WDR19: variants seen among roughly 807,000 people sequenced by gnomAD.
The protein encoded by WDR19 is WD repeat-containing protein 19.
WDR19 carries 121 observed loss-of-function variants against 180.0 expected under a neutral mutation model. The observed-to-expected ratio is 0.67, with a 90% CI of 0.58 to 0.78. WDR19 has a LOEUF of 0.78. Among genes scored for constraint, WDR19 ranks in the 30% least tolerant of loss-of-function variants. The pLI is 0.00. For synonymous variants in WDR19, 497 were observed against 540.7 expected (o/e 0.92, Z 1.12); for missense variants, 1,450 against 1,640.7 (o/e 0.88, Z 2.01).
At chr4:39,198,603 C>T (rs574320677) in intron 5 of WDR19, among the ~76,000 whole-genome samples, 3 of 152,126 alleles carry the variant, frequency 2.0e-5, no homozygotes, top group Admixed American at 6.5e-5. Flanking sequence ...CGGTGACTCG[C>T]GCCTGTAATC....
At chr4:39,192,818 T>C (rs570555213) in intron 4 of WDR19, among the ~76,000 whole-genome samples, 1 of 152,274 alleles carries the variant, frequency 6.6e-6, no homozygotes, top group Non-Finnish European at 1.5e-5. Context: ...GTGGGGAGTC[T>C]TTGGGCAAAA....
At chr4:39,240,371 T>A in intron 21 of WDR19, 37 bp downstream of exon 21, 1 of 1,266,590 alleles carries the variant, frequency 7.9e-7, no homozygotes, top group Non-Finnish European at 1.0e-6. Context: ...CCTAATTATG[T>A]CTGGGTTTGT....
At chr4:39,281,236 T>TATAGAGAGAGAGAGAGAGAGAGAGAGAG (rs762298152) in intron 36 of WDR19, among the ~76,000 whole-genome samples, 4 of 104,042 alleles carry the variant, frequency 3.8e-5, no homozygotes, top group African/African-American at 2.1e-4. Context: ...TATATATATA[T>TATAGAGAGAGAGAGAGAGAGAGAGAGAG]AGAGAGAGAG....
intron 10 of WDR19, among the ~76,000 whole-genome samples, 176 bp from the exon 11 acceptor site, chr4:39,215,665 C>T (rs1481184358): frequency 2.0e-5 from 3 of 151,952 alleles, no homozygotes; most frequent in Non-Finnish European, 4.4e-5. Context: ...AGCCAGTGCT[C>T]ATATTCTTAT....
At chr4:39,184,727 C>G (rs1358139505) in intron 1 of WDR19, among the ~76,000 whole-genome samples, 1 of 152,160 alleles carries the variant, frequency 6.6e-6, no homozygotes, top group Non-Finnish European at 1.5e-5. Flanking sequence ...GCCGCACAGA[C>G]TAAGTCCCGT....
Position 39,217,241 on chromosome 4 carries a change from G to T in WDR19, c.1356+1G>T. 1.3e-6 allele frequency: 2 copies of T among 1,587,580 alleles called. No individual in the cohort carries two copies. Among genetic ancestry groups the T allele is most frequent in the Non-Finnish European group, 1.7e-6 (2 of 1,165,420 alleles). ...TGAAGGCAAAGTCCAGTTACATTTG[G>T]TAAGTATAATTTTGATGTCCTGGAG... On this transcript the variant is annotated splice_donor_variant, in intron 13 of 36. Transcript: ENST00000399820. LOFTEE classifies it high-confidence loss of function.
chr4:39,220,720 G>T (rs9990610), intron 14 of WDR19, among the ~76,000 whole-genome samples: 1 of 150,308 alleles, frequency 6.7e-6, no homozygotes. Flanking sequence ...ATCTTGGCCA[G>T]GCTGGTCTTG....
At chr4:39,284,486 G>T (rs1299581816) in intron 36 of WDR19, among the ~76,000 whole-genome samples, 1 of 150,696 alleles carries the variant, frequency 6.6e-6, no homozygotes, top group Non-Finnish European at 1.5e-5. Flanking sequence ...CTACAGGCAT[G>T]TGCCACCATA....
chr4:39,274,861 A>C lies in WDR19; in HGVS notation c.3619A>C (p.Lys1207Gln). 1.2e-6 allele frequency: 2 copies of C among 1,614,032 alleles called. No homozygotes were observed. Among genetic ancestry groups the C allele is most frequent in the Non-Finnish European group, 1.7e-6 (2 of 1,179,902 alleles). Residue 1207 changes from lysine (K) to glutamine (Q), a missense_variant, in exon 33 of 37, where the codon AAG becomes CAG. By Grantham distance (53) the Lys-to-Gln change is moderately conservative. Coordinates refer to ENST00000399820, the MANE Select transcript of WDR19 (RefSeq NM_025132.4). ...TVIECHRAGLKNSAFSFAAML... is the reference protein window; with the variant it reads ...TVIECHRAGLQNSAFSFAAML... ...GATTGAGTGTCACAGGGCAGGCCTG[A>C]AGAACTCTGCTTTCAGCTTCGCAGC... is the stretch of plus-strand genomic sequence containing the variant.
chr4:39,276,500 A>C (rs1735910825), intron 33 of WDR19, among the ~76,000 whole-genome samples: 1 of 152,138 alleles, frequency 6.6e-6, no homozygotes, highest in Admixed American at 6.5e-5. Context: ...TGGCTATTTA[A>C]ATTTAGTTAA....
intron 14 of WDR19, 159 bp downstream of exon 14, chr4:39,218,264 G>T: frequency 2.2e-6 from 2 of 923,740 alleles, no homozygotes; most frequent in Non-Finnish European, 3.2e-6. Flanking sequence ...GTGTCTCTTT[G>T]CAGTGGGGAT....
chr4:39,228,257 A>T lies in WDR19; in HGVS notation c.1677A>T (p.Lys559Asn), dbSNP rs1186805310. The change falls in exon 16 of 37, where the codon AAA becomes AAT. Residue 559 changes from lysine to asparagine, a missense_variant. Coordinates refer to ENST00000399820, the MANE Select transcript of WDR19 (RefSeq NM_025132.4). ...TTCCAGATTTTTCACCAACCATTAA[A>T]GGTGTTCTTTGGGAAAACTGGCCAA... ...YEIPDFSPTI[K>N]GVLWENWPMD... 1.2e-6 allele frequency: 2 copies of T among 1,613,444 alleles called. No homozygotes were observed. Among genetic ancestry groups the T allele is most frequent in the African/African-American group, 2.7e-5 (2 of 74,922 alleles).
In WDR19 at chr4:39,279,516, A is replaced by T. The variant is rs185592336; in HGVS notation, c.*13+853A>T. 7.9e-4 allele frequency among the ~76,000 whole-genome samples: 120 copies of T among 152,312 alleles called. 1 individual carries two copies. Among genetic ancestry groups the T allele is most frequent in the African/African-American group, 2.8e-3 (118 of 41,568 alleles). ...TCCAAGTCTGTCCATGAACAGGCCC[A>T]GCCTCCTCCTCCTGCCTCAGGTCTG... On this transcript the variant is annotated intron_variant, in intron 36 of 36. Coordinates refer to ENST00000399820, the MANE Select transcript of WDR19 (RefSeq NM_025132.4).
chr4:39,224,354 A>C (rs1292890684), intron 14 of WDR19, among the ~76,000 whole-genome samples: 3 of 152,020 alleles, frequency 2.0e-5, no homozygotes, highest in African/African-American at 7.2e-5. Context: ...TCACAGGTAC[A>C]GTCCCATTTT....
chr4:39,272,084 A>T (rs1479810408), intron 31 of WDR19, among the ~76,000 whole-genome samples: 1 of 152,190 alleles, frequency 6.6e-6, no homozygotes, highest in East Asian at 1.9e-4. Context: ...AGGCAGGAGG[A>T]TCCTTCTTCC....
chr4:39,265,947 T>C, intron 28 of WDR19, 116 bp from the exon 29 acceptor site: 1 of 838,736 alleles, frequency 1.2e-6, no homozygotes, highest in Admixed American at 2.1e-5. Context: ...GGCACTTTAC[T>C]ATAGATACTA....
intron 34 of WDR19, among the ~76,000 whole-genome samples, chr4:39,277,594 A>T (rs541379627): frequency 2.1e-4 from 32 of 152,372 alleles, no homozygotes; most frequent in African/African-American, 6.5e-4. Flanking sequence ...AGAAAACTAA[A>T]TTCAGGTAAT....
chr4:39,234,855 T>C lies in WDR19; in HGVS notation c.2343T>C (p.Tyr781=), dbSNP rs1731223427. The C allele has an allele frequency of 1.3e-6, 2 of 1,566,458 alleles. No individual in the cohort carries two copies. Among genetic ancestry groups the C allele is most frequent in the African/African-American group, 1.4e-5 (1 of 73,984 alleles). ...PDQIPFISKE[Y]AIQLEFAGDY... Reference sequence around the variant, plus strand: ...AGATACCTTTTATATCAAAAGAATATGCTATTCAGCTTGAATTCGCGTAAG... The same window carrying C: ...AGATACCTTTTATATCAAAAGAATACGCTATTCAGCTTGAATTCGCGTAAG... Residue 781 remains tyrosine, a synonymous_variant, in exon 20 of 37, where the codon TAT becomes TAC. Transcript: ENST00000399820.
intron 36 of WDR19, among the ~76,000 whole-genome samples, chr4:39,281,215 G>GTGTGTGTGTGTGTATATA (rs1167602972): frequency 1.8e-5 from 2 of 110,120 alleles, no homozygotes; most frequent in Admixed American, 8.1e-5. Flanking sequence ...ATGTGTGTGT[G>GTGTGTGTGTGTGTATATA]TATATATATA....
Sources: allele counts gnomAD v4.1 joint callset (sites outside exome capture counted in the v4.1 genomes callset), GRCh38; gene constraint gnomAD v4.1.1; transcripts MANE v1.5; gene names NCBI Gene and HGNC (gene_info 2026-07-23, HGNC 2026-07-21).